Variants in SYT5 observed in about 807,000 individuals in gnomAD.
SYT5 encodes synaptotagmin-5.
In SYT5, 29 loss-of-function variants were observed where a neutral mutation model predicts 36.0. The observed-to-expected ratio is 0.81, with a 90% CI of 0.60 to 1.10. The LOEUF is 1.10. Among genes scored for constraint, SYT5 ranks in the 50% least tolerant of loss-of-function variants. The probability of loss-of-function intolerance (pLI) is 0.00; values close to 1 mark genes in which losing one functional copy is unlikely to be tolerated. For synonymous variants in SYT5, 231 were observed against 227.6 expected, an observed-to-expected ratio of 1.02 and a Z score of -0.14; for missense variants, 512 against 516.0, an observed-to-expected ratio of 0.99 and a Z score of 0.08.
In SYT5 at chr19:55,172,380, C is replaced by T. The variant is rs1408977402; in HGVS notation, c.*1104G>A. On this transcript the variant is annotated 3_prime_UTR_variant, in exon 9 of 9. Transcript: ENST00000354308. ...AGCTTGCAGTGAGCCGAAATCGTGC[C>T]ACTGCACTCCAGCCTGGGCGACAAA... 9.9e-5 allele frequency: 15 copies of T among 150,998 alleles called. No homozygotes were observed. Among genetic ancestry groups the T allele is most frequent in the Admixed American group, 9.9e-4 (15 of 15,174 alleles). The allele number at this position is 150,998 out of a possible 1,614,324, so 9.4% of individuals were successfully genotyped here. A position where few individuals can be genotyped will look rare whatever the true frequency, so the allele number is the denominator to read the frequency against.
Position 55,176,748 on chromosome 19 carries a change from G to A in SYT5, c.253-624C>T, listed in dbSNP as rs1188700520. On this transcript the variant is annotated intron_variant, in intron 3 of 8. Transcript: ENST00000354308. ...ACCCAGTGTGATTCTGCTGCAGACG[G>A]TCTTTGAACATCACTGGTTTAAGGG... Among the ~76,000 whole-genome samples, 5 of 150,764 alleles carry A rather than the reference G, an allele frequency of 3.3e-5. No individual in the cohort carries two copies. In the South Asian group the frequency reaches 6.3e-4, roughly 19 times the overall value.
At chr19:55,178,832 A>G in intron 2 of SYT5, 131 bp downstream of exon 2, 1 of 878,236 alleles carries the variant, frequency 1.1e-6, no homozygotes, top group Non-Finnish European at 1.4e-6. Context: ...ATTCCAGTCC[A>G]GGATGACGAC....
intron 8 of SYT5, 81 bp downstream of exon 8, chr19:55,174,436 G>C: frequency 6.5e-7 from 1 of 1,543,400 alleles, no homozygotes; most frequent in East Asian, 2.3e-5. Flanking sequence ...TTTCTAGGGA[G>C]ATGCTAAAAA....
rs1281909415 is a variant in SYT5 at position 55,173,719 on chromosome 19, C to T, written c.961-35G>A. ...GCGCGGGAGGAAGAGGAGAGAGGAG[C>T]GTGAGGGGAGGAGGCCCCGGAAGGG... On this transcript the variant is annotated intron_variant, in intron 8 of 8. Transcript: ENST00000354308. This position sits in a 1 kb window ranked among gnomAD's most constrained non-coding sequence, Gnocchi z 5.4. The T allele has an allele frequency of 2.3e-6, 3 of 1,324,202 alleles. No homozygotes were observed. The highest frequency in any genetic ancestry group is 6.3e-5 in the East Asian group (2 of 31,926). 82.0% of individuals were successfully genotyped at this position (1,324,202 alleles called of 1,614,324 possible).
chr19:55,174,048 C>G (rs2086037632), intron 8 of SYT5: 1 of 248,530 alleles, frequency 4.0e-6, no homozygotes, highest in Non-Finnish European at 7.6e-6. Flanking sequence ...GAGGGGAGGT[C>G]TCTTTTTCTT....
Position 55,173,458 on chromosome 19 carries a change from G to T in SYT5, c.*26C>A. On this transcript the variant is annotated 3_prime_UTR_variant, in exon 9 of 9. Coordinates refer to ENST00000354308, the MANE Select transcript of SYT5 (RefSeq NM_003180.3). This position sits in a 1 kb window ranked among gnomAD's most constrained non-coding sequence, Gnocchi z 5.4. ...TCTGGGGTCAGGGGCTAGAGTCCAG[G>T]CTTGGCCGGGGGCTTGGGGTGGGAG... 7.4e-7 allele frequency: 1 copy of T among 1,347,408 alleles called. No individual in the cohort carries two copies. The highest frequency in any genetic ancestry group is 3.1e-5 in the East Asian group (1 of 32,256). The allele number at this position is 1,347,408 out of a possible 1,614,324, so 83.5% of individuals were successfully genotyped here.
At chr19:55,178,651 C>T (rs953951786) in intron 2 of SYT5, among the ~76,000 whole-genome samples, 1 of 151,860 alleles carries the variant, frequency 6.6e-6, no homozygotes, top group Admixed American at 6.6e-5. Flanking sequence ...ACAAGAAGCC[C>T]TGCTCCTCAT....
At position 55,179,051 on chromosome 19, in the gene SYT5, G is replaced by T. The variant is rs1457888671; in HGVS notation, c.-10C>A. The T allele has an allele frequency of 1.9e-6, 3 of 1,603,234 alleles. No homozygotes were observed. The Admixed American group carries it at 5.2e-5, about 28-fold the overall frequency. ...GGGGCTCCGGGAACATGGTGGCGGG[G>T]TCCTGGAGTCTTTTCTGCAGAGACA... On this transcript the variant is annotated 5_prime_UTR_variant, in exon 2 of 9. Transcript: ENST00000354308. This position sits in a 1 kb window ranked among gnomAD's most constrained non-coding sequence, Gnocchi z 4.5.
In SYT5 at chr19:55,178,238, G is replaced by A; in HGVS notation, c.210C>T (p.His70=). 6.2e-7 allele frequency: 1 copy of A among 1,609,764 alleles called. No individual in the cohort carries two copies. Among genetic ancestry groups the A allele is most frequent in the East Asian group, 2.2e-5 (1 of 44,758 alleles). The change falls in exon 3 of 9, where the codon CAC becomes CAT. Residue 70 remains histidine (H), a synonymous_variant. Transcript: ENST00000354308. ...GGCCCAGCCCCTTCACTTCCTGAAG[G>A]TGGACCTGGGCTTGGGCCTGGCTCT... The part of the protein sequence containing the change: ...GKKSQAQAQV[H]LQEVKGLGQS...
Position 55,172,172 on chromosome 19 carries a change from G to A in SYT5, c.*1312C>T, listed in dbSNP as rs1407085425. The A allele has an allele frequency of 6.6e-6, 1 of 152,198 alleles. No individual in the cohort carries two copies. Among genetic ancestry groups the A allele is most frequent in the Non-Finnish European group, 1.5e-5 (1 of 68,060 alleles). 9.4% of individuals were successfully genotyped at this position (152,198 alleles called of 1,614,324 possible). On this transcript the variant is annotated 3_prime_UTR_variant, in exon 9 of 9. Transcript: ENST00000354308. ...GCGGTGGCTCACGCCTGTAATCCTAGCACATTGGGAGGCCGAGGCGGGCGG... is the reference window on the plus strand; with the variant it reads ...GCGGTGGCTCACGCCTGTAATCCTAACACATTGGGAGGCCGAGGCGGGCGG...
At position 55,179,882 on chromosome 19, in the gene SYT5, C is replaced by T. The variant is rs897601402; in HGVS notation, c.-46+235G>A. The T allele has an allele frequency of 4.6e-5, 7 of 153,186 alleles. No individual in the cohort carries two copies. The highest frequency in any genetic ancestry group is 6.5e-5 in the Admixed American group (1 of 15,286). 9.5% of individuals were successfully genotyped at this position (153,186 alleles called of 1,614,324 possible). On this transcript the variant is annotated intron_variant, in intron 1 of 8. Coordinates refer to ENST00000354308, the MANE Select transcript of SYT5 (RefSeq NM_003180.3). This position sits in a 1 kb window ranked among gnomAD's most constrained non-coding sequence, Gnocchi z 4.5. ...CCCGCCTGTCTCTCTTCCCTATCGC[C>T]TGGCCTCTGTCTCCAGGGTCTCTCC...
Position 55,175,960 on chromosome 19 carries a change from C to A in SYT5, c.372+45G>T, listed in dbSNP as rs1320504383. 5.0e-6 allele frequency: 8 copies of A among 1,613,538 alleles called. No homozygotes were observed. The South Asian group carries it at 8.8e-5, about 18-fold the overall frequency. On this transcript the variant is annotated intron_variant, in intron 4 of 8. Coordinates refer to ENST00000354308, the MANE Select transcript of SYT5 (RefSeq NM_003180.3). This position sits in a 1 kb window ranked among gnomAD's most constrained non-coding sequence, Gnocchi z 4.5. ...TGGCTCCTTTCAGAAGGGGTTGGAA[C>A]CCCCGGGATCCTCCCTCCAAAGCTT...
chr19:55,179,512 G>A lies in SYT5; in HGVS notation c.-45-426C>T, dbSNP rs976350162. Reference sequence around the variant, plus strand: ...TGACGCACAGACGCGGAGTCCCGGCGGGGCAGGCTCGCTCCGGGGCCCACC... The same window carrying A: ...TGACGCACAGACGCGGAGTCCCGGCAGGGCAGGCTCGCTCCGGGGCCCACC... On this transcript the variant is annotated intron_variant, in intron 1 of 8. Transcript: ENST00000354308. The surrounding 1 kb of genome is among the most constrained non-coding windows in gnomAD (Gnocchi z 4.5). 6.1e-5 allele frequency: 17 copies of A among 278,304 alleles called. 1 individual carries two copies. In the Admixed American group the frequency reaches 8.5e-4, roughly 14 times the overall value. 17.2% of individuals were successfully genotyped at this position (278,304 alleles called of 1,614,324 possible).
chr19:55,175,064 T>G lies in SYT5; in HGVS notation c.709-65A>C. 6.2e-7 allele frequency: 1 copy of G among 1,600,130 alleles called. No homozygotes were observed. Among genetic ancestry groups the G allele is most frequent in the Non-Finnish European group, 8.5e-7 (1 of 1,174,930 alleles). ...CATCCATGCCTCCTCAGGGGTACAATCCACGCCGCCCTGAGGGTCTGGAAA... is the reference window on the plus strand; with the variant it reads ...CATCCATGCCTCCTCAGGGGTACAAGCCACGCCGCCCTGAGGGTCTGGAAA... On this transcript the variant is annotated intron_variant, in intron 6 of 8. Transcript: ENST00000354308. The surrounding 1 kb of genome is among the most constrained non-coding windows in gnomAD (Gnocchi z 4.5).
Position 55,176,067 on chromosome 19 carries a change from C to CG in SYT5, c.309_310insC (p.Ala104ArgfsTer5). 6.2e-7 allele frequency: 1 copy of CG among 1,614,184 alleles called. No homozygotes were observed. Among genetic ancestry groups the CG allele is most frequent in the Non-Finnish European group, 8.5e-7 (1 of 1,180,038 alleles). On this transcript the variant is annotated frameshift_variant, in exon 4 of 9. Coordinates refer to ENST00000354308, the MANE Select transcript of SYT5 (RefSeq NM_003180.3). LOFTEE classifies it high-confidence loss of function. ...AGTCGTCCTAGCTCATGCTTGTCTGCCACCTGCTGCCCTGGCCCGGATGGT... is the reference window on the plus strand; with the variant it reads ...AGTCGTCCTAGCTCATGCTTGTCTGCGCACCTGCTGCCCTGGCCCGGATGGT...
rs1401982135 is a variant in SYT5, at chr19:55,171,795, G to A, written c.*1689C>T. 1 of 152,120 alleles carries A rather than the reference G, an allele frequency of 6.6e-6. No individual in the cohort carries two copies. Among genetic ancestry groups the A allele is most frequent in the Non-Finnish European group, 1.5e-5 (1 of 68,116 alleles). 9.4% of individuals were successfully genotyped at this position (152,120 alleles called of 1,614,324 possible). On this transcript the variant is annotated 3_prime_UTR_variant, in exon 9 of 9. Transcript: ENST00000354308. ...AAGACCCCATCTCTAAAAAAGAAAA[G>A]AAAAGAAAAGAAAAAATTAGCTAGG...
chr19:55,174,704 A>C, intron 7 of SYT5, 54 bp from the exon 8 acceptor site: 35 of 1,612,334 alleles, frequency 2.2e-5, no homozygotes, highest in Non-Finnish European at 2.8e-5. Context: ...TTGTTGGACC[A>C]ACATAGAAAC....
chr19:55,175,431 G>T lies in SYT5; in HGVS notation c.541-92C>A. ...CAGAAGGAAGGCATGGAGTGAGGCA[G>T]CGAGGGTCGAAGCGAACAGTTGGGG... On this transcript the variant is annotated intron_variant, in intron 5 of 8. Coordinates refer to ENST00000354308, the MANE Select transcript of SYT5 (RefSeq NM_003180.3). This position sits in a 1 kb window ranked among gnomAD's most constrained non-coding sequence, Gnocchi z 4.5. The T allele has an allele frequency of 7.3e-7, 1 of 1,361,298 alleles. No individual in the cohort carries two copies. The highest frequency in any genetic ancestry group is 1.5e-5 in the African/African-American group (1 of 68,682). 84.3% of individuals were successfully genotyped at this position (1,361,298 alleles called of 1,614,324 possible).
intron 3 of SYT5, 104 bp downstream of exon 3, chr19:55,178,092 G>A: frequency 7.6e-7 from 1 of 1,309,962 alleles, no homozygotes; most frequent in Admixed American, 2.7e-5. Context: ...CCAGTAAGGT[G>A]GGTTCCTATA....
Sources: gnomAD v4.1 joint callset for allele counts (sites outside exome capture counted in the v4.1 genomes callset) on GRCh38, gnomAD v4.1.1 for gene constraint, Gnocchi (gnomAD v3.1) non-coding constraint, MANE v1.5 for transcripts, NCBI Gene and HGNC (gene_info 2026-07-23, HGNC 2026-07-21) for gene names.